Variants in EFL1 observed in about 807,000 individuals in gnomAD.
EFL1 encodes the protein elongation factor-like GTPase 1.
Under a neutral mutation model 126.7 loss-of-function variants are expected in EFL1, and 76 were observed. That is an observed-to-expected ratio of 0.60 (90% CI 0.50 to 0.73). The LOEUF (loss-of-function observed/expected upper bound fraction) is 0.73, where lower values mean the gene tolerates loss of function less well. Ranked by LOEUF, EFL1 falls within the 30% of genes least tolerant of loss-of-function variation. The probability of loss-of-function intolerance (pLI) is 0.00; values close to 1 mark genes in which losing one functional copy is unlikely to be tolerated. For missense variants in EFL1, 1,128 were observed against 1,343.2 expected (o/e 0.84, Z 2.50); for synonymous variants, 410 against 448.4 (o/e 0.91, Z 1.08).
intron 18 of EFL1, among the ~76,000 whole-genome samples, chr15:82,139,980 A>G (rs1174414425): frequency 6.6e-6 from 1 of 152,156 alleles, no homozygotes; most frequent in African/African-American, 2.4e-5. Flanking sequence ...ATTTCCCCCT[A>G]GTGGCGGTTA....
At chr15:82,221,691 G>A (rs1028959665) in intron 12 of EFL1, among the ~76,000 whole-genome samples, 4 of 152,200 alleles carry the variant, frequency 2.6e-5, no homozygotes, top group African/African-American at 4.8e-5. Context: ...CCTTGAGCCT[G>A]GCTTGGTCAG....
chr15:82,137,680 T>G (rs2073736849), intron 19 of EFL1, among the ~76,000 whole-genome samples: 1 of 152,250 alleles, frequency 6.6e-6, no homozygotes, highest in Admixed American at 6.5e-5. Flanking sequence ...GGGAATAATG[T>G]GAAGTTATTT....
chr15:82,202,557 C>T (rs1255095059), intron 15 of EFL1, among the ~76,000 whole-genome samples: 1 of 152,060 alleles, frequency 6.6e-6, no homozygotes, highest in Non-Finnish European at 1.5e-5. Flanking sequence ...TTCGGAGCTG[C>T]CTTCCATGAT....
In EFL1 at chr15:82,229,034, T is replaced by G. The variant is rs367688624; in HGVS notation, c.932A>C (p.Lys311Thr). The G allele has an allele frequency of 8.1e-6, 13 of 1,608,656 alleles. No individual in the cohort carries two copies. In the African/African-American group the frequency reaches 1.7e-4, roughly 22 times the overall value. ...IWSLYDAVLK[K>T]DKDKIDKIVT... ...TAAAGGTAAACAATAAGAGTCTTAC[T>G]TTTTCAAAACAGCATCATACAAACT... Residue 311 changes from lysine (K) to threonine (T), a missense_variant and splice_region_variant, in exon 9 of 20, where the codon AAG becomes ACG. Physicochemically the swap from Lys to Thr is moderately conservative, Grantham distance 78. Transcript: ENST00000268206.
chr15:82,251,573 C>G (rs990442597), intron 4 of EFL1, among the ~76,000 whole-genome samples: 5 of 152,014 alleles, frequency 3.3e-5, no homozygotes, highest in African/African-American at 1.2e-4. Flanking sequence ...GATAAGAAAT[C>G]AATAGACCCT....
rs1208891763 is a variant in EFL1, at chr15:82,261,685, T to C, written c.91+3A>G. Reference sequence around the variant, plus strand: ...AAATAAGCCATTTAAAAAGTATTCTTACCATGGTCAACATGAGCCAAAACA... The same window carrying C: ...AAATAAGCCATTTAAAAAGTATTCTCACCATGGTCAACATGAGCCAAAACA... On this transcript the variant is annotated splice_donor_region_variant and intron_variant, in intron 2 of 19. Transcript: ENST00000268206. 1 of 1,613,384 alleles carries C rather than the reference T, an allele frequency of 6.2e-7. No homozygotes were observed. The highest frequency in any genetic ancestry group is 1.1e-5 in the South Asian group (1 of 90,876).
chr15:82,138,867 A>G, intron 18 of EFL1, 25 bp from the exon 19 acceptor site: 2 of 1,604,208 alleles, frequency 1.2e-6, no homozygotes, highest in Non-Finnish European at 1.7e-6. Context: ...ATCTTTTAAA[A>G]TCATGGATCA....
At chr15:82,164,355 C>T (rs112751943) in intron 15 of EFL1, among the ~76,000 whole-genome samples, 1 of 152,120 alleles carries the variant, frequency 6.6e-6, no homozygotes, top group Non-Finnish European at 1.5e-5. Context: ...TGGGTCTCTA[C>T]TGAAATAATC....
At chr15:82,232,202 T>TA (rs2074829590) in intron 7 of EFL1, among the ~76,000 whole-genome samples, 1 of 152,164 alleles carries the variant, frequency 6.6e-6, no homozygotes, top group African/African-American at 2.4e-5. Flanking sequence ...GGAGCCCTAT[T>TA]TGTTAGTAGT....
chr15:82,210,862 CA>C (rs76409669), intron 15 of EFL1, among the ~76,000 whole-genome samples: 51,284 of 109,080 alleles, frequency 0.47, 9,304 homozygotes, highest in South Asian at 0.53. Context: ...AACTCCATTA[CA>C]AAAAAAAAAA....
intron 7 of EFL1, among the ~76,000 whole-genome samples, chr15:82,236,721 T>G (rs1020631938): frequency 6.6e-6 from 1 of 152,036 alleles, no homozygotes; most frequent in Non-Finnish European, 1.5e-5. Flanking sequence ...AAACCAAAAC[T>G]TATAGAAAAA....
At chr15:82,244,551 G>T (rs1021092273) in intron 4 of EFL1, among the ~76,000 whole-genome samples, 4 of 152,004 alleles carry the variant, frequency 2.6e-5, no homozygotes, top group South Asian at 2.1e-4. Flanking sequence ...CAAACTAAAC[G>T]GCTTCATTTC....
chr15:82,227,168 C>T (rs1189875837), intron 11 of EFL1, among the ~76,000 whole-genome samples: 2 of 152,186 alleles, frequency 1.3e-5, no homozygotes, highest in Admixed American at 6.5e-5. Flanking sequence ...ATGGAACCTA[C>T]AAAGCCCAGA....
In EFL1 at chr15:82,199,026, C is replaced by T. The variant is rs151098763; in HGVS notation, c.1750+15691G>A. ...TTTCAGAGGAAAAAATAGTTCACTG[C>T]ATTAAAAAAAAACAAAACCTGCTTT... On this transcript the variant is annotated intron_variant, in intron 15 of 19. Coordinates refer to ENST00000268206, the MANE Select transcript of EFL1 (RefSeq NM_024580.6). Among the ~76,000 whole-genome samples the T allele has an allele frequency of 8.6e-3, 1,307 of 151,932 alleles. 11 individuals carry two copies. The highest frequency in any genetic ancestry group is 0.011 in the Non-Finnish European group (781 of 67,940).
At chr15:82,171,176 A>G (rs938160830) in intron 15 of EFL1, among the ~76,000 whole-genome samples, 3 of 152,244 alleles carry the variant, frequency 2.0e-5, no homozygotes, top group Non-Finnish European at 4.4e-5. Flanking sequence ...AAAGAAACAG[A>G]AAACTAAAGA....
At chr15:82,225,406 A>G in intron 11 of EFL1, 142 bp from the exon 12 acceptor site, 1 of 593,526 alleles carries the variant, frequency 1.7e-6, no homozygotes. Context: ...TTTTCCAACT[A>G]TGATAAAAAT....
At position 82,151,765 on chromosome 15, in the gene EFL1, A is replaced by T. The variant is rs1165645231; in HGVS notation, c.2689T>A (p.Trp897Arg). Residue 897 changes from tryptophan to arginine, a missense_variant, in exon 18 of 20, where the codon TGG becomes AGG. By Grantham distance (101) the Trp-to-Arg change is moderately radical. Coordinates refer to ENST00000268206, the MANE Select transcript of EFL1 (RefSeq NM_024580.6). Reference protein sequence around the residue: ...LMGVCFVLEKWDLSKFEEQGA... With the variant: ...LMGVCFVLEKRDLSKFEEQGA... ...TGTTCCTCAAATTTACTTAGGTCCC[A>T]TTTTTCCAGAACAAAACAGACACCC... The T allele has an allele frequency of 4.3e-6, 7 of 1,613,768 alleles. No individual in the cohort carries two copies.
In EFL1 at chr15:82,151,593, T is replaced by C. The variant is rs376247618; in HGVS notation, c.2861A>G (p.Tyr954Cys). 1.9e-6 allele frequency: 3 copies of C among 1,614,184 alleles called. No homozygotes were observed. Among genetic ancestry groups the C allele is most frequent in the Non-Finnish European group, 2.5e-6 (3 of 1,180,022 alleles). ...QKGESPLTDCYGPFSGQLIAT... is the reference protein window; with the variant it reads ...QKGESPLTDCCGPFSGQLIAT... ...AATTAGCTGTCCTGAGAAAGGTCCA[T>C]AGCAGTCAGTGAGTGGAGATTCTCC... Residue 954 changes from tyrosine to cysteine, a missense_variant, in exon 18 of 20, where the codon TAT (tyrosine) becomes TGT (cysteine). Physicochemically the swap from Tyr to Cys is radical, Grantham distance 194. Coordinates refer to ENST00000268206, the MANE Select transcript of EFL1 (RefSeq NM_024580.6).
At chr15:82,254,785 G>A (rs1346456391) in intron 3 of EFL1, among the ~76,000 whole-genome samples, 1 of 152,200 alleles carries the variant, frequency 6.6e-6, no homozygotes, top group Non-Finnish European at 1.5e-5. Flanking sequence ...TGTAGAGAAT[G>A]AAGGAAGGGT....
Sources: allele counts gnomAD v4.1 joint callset (sites outside exome capture counted in the v4.1 genomes callset), GRCh38; gene constraint gnomAD v4.1.1; transcripts MANE v1.5; gene names NCBI Gene and HGNC (gene_info 2026-07-23, HGNC 2026-07-21).